CNTNAP3B: variants seen among roughly 807,000 people sequenced by gnomAD.
CNTNAP3B encodes contactin associated protein family member 3B.
Under a neutral mutation model 108.9 loss-of-function variants are expected in CNTNAP3B, and 25 were observed. The observed-to-expected ratio is 0.23, with a 90% CI of 0.17 to 0.32. The LOEUF (loss-of-function observed/expected upper bound fraction) is 0.32, where lower values mean the gene tolerates loss of function less well. CNTNAP3B is among the 10% of genes least tolerant of loss of function. The pLI is 1.00. For missense variants in CNTNAP3B, 252 were observed against 1,210.4 expected, an observed-to-expected ratio of 0.21 and a Z score of 11.75; for synonymous variants, 103 against 473.4, an observed-to-expected ratio of 0.22 and a Z score of 10.16.
At chr9:42,030,813 G>GATGTGT (rs1156882673) in intron 3 of CNTNAP3B, among the ~76,000 whole-genome samples, 25 of 65,748 alleles carry the variant, frequency 3.8e-4, no homozygotes, top group East Asian at 1.5e-3. Context: ...GAGAGAGAGA[G>GATGTGT]GAGAGAGAGA....
intron 3 of CNTNAP3B, among the ~76,000 whole-genome samples, chr9:42,053,320 A>C (rs1826992825): frequency 8.1e-6 from 1 of 122,796 alleles, no homozygotes; most frequent in Non-Finnish European, 1.7e-5. Context: ...ATGTAAAGAT[A>C]GCCTAAATGA....
chr9:41,942,424 C>T (rs918530542), intron 13 of CNTNAP3B, among the ~76,000 whole-genome samples: 13 of 152,070 alleles, frequency 8.5e-5, no homozygotes, highest in African/African-American at 1.2e-4. Context: ...TCCTGGCTAA[C>T]ATGGTGAAAC....
At chr9:41,939,370 G>A (rs1482231395) in intron 13 of CNTNAP3B, among the ~76,000 whole-genome samples, 2 of 152,304 alleles carry the variant, frequency 1.3e-5, no homozygotes, top group Non-Finnish European at 2.9e-5. Context: ...GTTACCATTG[G>A]AATATGAATC....
chr9:42,033,428 T>C (rs1167710940), intron 3 of CNTNAP3B, among the ~76,000 whole-genome samples: 2 of 135,284 alleles, frequency 1.5e-5, no homozygotes, highest in African/African-American at 3.0e-5. Context: ...GTCAGAAAAA[T>C]ACATATATGT....
intron 13 of CNTNAP3B, 69 bp from the exon 14 acceptor site, chr9:41,938,469 C>G (rs553117499): frequency 6.2e-7 from 1 of 1,610,458 alleles, no homozygotes; most frequent in Non-Finnish European, 8.5e-7. Context: ...ATATATCTCC[C>G]TTTACTCCCA....
intron 13 of CNTNAP3B, among the ~76,000 whole-genome samples, chr9:41,944,723 A>T (rs1181696399): frequency 3.3e-5 from 5 of 152,312 alleles, no homozygotes; most frequent in Admixed American, 3.3e-4. Flanking sequence ...CAGTCTAAAT[A>T]TACCAATTAA....
chr9:41,925,383 GGAGATCC>G (rs1823787827), intron 15 of CNTNAP3B, among the ~76,000 whole-genome samples: 1 of 152,224 alleles, frequency 6.6e-6, no homozygotes, highest in East Asian at 1.9e-4. Context: ...CATGAGGTCA[GGAGATCC>G]AGACCATCCT....
At chr9:41,932,684 T>TA (rs1824016481) in intron 14 of CNTNAP3B, among the ~76,000 whole-genome samples, 1 of 152,130 alleles carries the variant, frequency 6.6e-6, no homozygotes. Flanking sequence ...TACGCTCAGC[T>TA]AATTTTTGTA....
chr9:42,107,027 A>G (rs1828098777), intron 1 of CNTNAP3B, among the ~76,000 whole-genome samples: 1 of 93,140 alleles, frequency 1.1e-5, no homozygotes, highest in African/African-American at 4.1e-5. Flanking sequence ...CACATAAAAC[A>G]GCACTGGGCG....
At chr9:41,924,678 C>CATACACACAT (rs1554737297) in intron 15 of CNTNAP3B, among the ~76,000 whole-genome samples, 11 of 124,686 alleles carry the variant, frequency 8.8e-5, no homozygotes, top group African/African-American at 1.9e-4. Flanking sequence ...CACACACACA[C>CATACACACAT]ACACACACAC....
intron 5 of CNTNAP3B, among the ~76,000 whole-genome samples, 177 bp from the exon 6 acceptor site, chr9:41,997,929 C>T (rs1825935142): frequency 3.8e-5 from 4 of 106,646 alleles, no homozygotes. Context: ...CAATTCTACA[C>T]TTTGTTGAAA....
intron 12 of CNTNAP3B, chr9:41,959,856 T>C (rs1377343159): frequency 6.6e-5 from 10 of 152,300 alleles, no homozygotes; most frequent in African/African-American, 2.4e-4. Flanking sequence ...GCACAATAAA[T>C]GAGAACAGTT....
chr9:41,989,700 TCAAACAAA>T (rs766241274), intron 8 of CNTNAP3B, among the ~76,000 whole-genome samples: 2 of 126,340 alleles, frequency 1.6e-5, no homozygotes, highest in East Asian at 2.3e-4. Context: ...TTTAAAATCT[TCAAACAAA>T]CAAACAAACA....
intron 9 of CNTNAP3B, chr9:41,979,904 A>T (rs1286155634): frequency 7.6e-6 from 1 of 131,520 alleles, no homozygotes; most frequent in Non-Finnish European, 1.5e-5. Context: ...ATATATATGT[A>T]ATCTTTTTCA....
chr9:41,934,806 T>C (rs1218292333), intron 14 of CNTNAP3B, among the ~76,000 whole-genome samples: 1 of 152,292 alleles, frequency 6.6e-6, no homozygotes, highest in African/African-American at 2.4e-5. Context: ...TATCTGGTTT[T>C]TAAATGAACA....
In CNTNAP3B at chr9:42,119,543, C is replaced by T. The variant is rs1487420523; in HGVS notation, c.85+9467G>A. The stretch of plus-strand genomic sequence containing the variant: ...CCAAGTCAATCCTAAGCCAAAAGAA[C>T]AAAGCTGGAGGCATCACACTACCTG... On this transcript the variant is annotated intron_variant, in intron 1 of 23. Transcript: ENST00000377561. Among the ~76,000 whole-genome samples the T allele has an allele frequency of 1.2e-4, 15 of 126,444 alleles. 1 individual carries two copies. Among genetic ancestry groups the T allele is most frequent in the Non-Finnish European group, 2.1e-4 (13 of 60,494 alleles). The allele number at this position is 126,444 out of a possible 152,430, so 83.0% of individuals were successfully genotyped here. A position where few individuals can be genotyped will look rare whatever the true frequency, so the allele number is the denominator to read the frequency against.
intron 17 of CNTNAP3B, among the ~76,000 whole-genome samples, chr9:41,921,256 G>T (rs1823660420): frequency 6.6e-6 from 1 of 152,286 alleles, no homozygotes; most frequent in Non-Finnish European, 1.5e-5. Flanking sequence ...AAGATTACAA[G>T]TGAGAAAATC....
At chr9:42,019,327 AT>A (rs1349279744) in intron 3 of CNTNAP3B, among the ~76,000 whole-genome samples, 5 of 74,958 alleles carry the variant, frequency 6.7e-5, no homozygotes, top group African/African-American at 2.8e-4. Flanking sequence ...ACTTTGCCTT[AT>A]TCTAGCATTA....
chr9:42,110,442 G>A (rs1436317582), intron 1 of CNTNAP3B, among the ~76,000 whole-genome samples: 2 of 134,238 alleles, frequency 1.5e-5, no homozygotes, highest in African/African-American at 3.0e-5. Flanking sequence ...AACCAGCTTC[G>A]AATTATCAGA....
Sources: gnomAD v4.1 joint callset for allele counts (sites outside exome capture counted in the v4.1 genomes callset) on GRCh38, gnomAD v4.1.1 for gene constraint, MANE v1.5 for transcripts, NCBI Gene and HGNC (gene_info 2026-07-23, HGNC 2026-07-21) for gene names.